VSIG10: variants seen among roughly 807,000 people sequenced by gnomAD.
VSIG10 encodes V-set and immunoglobulin domain containing 10, also known as V-set and immunoglobulin domain-containing protein 10.
A neutral mutation model predicts 58.7 loss-of-function variants in VSIG10; 48 were observed. The observed-to-expected ratio is 0.82, with a 90% CI of 0.65 to 1.04. The LOEUF (loss-of-function observed/expected upper bound fraction) is 1.04, where lower values mean the gene tolerates loss of function less well. Ranked by LOEUF, VSIG10 falls within the 50% of genes least tolerant of loss-of-function variation. The pLI is 0.00. For missense variants in VSIG10, 628 were observed against 670.0 expected, an observed-to-expected ratio of 0.94 and a Z score of 0.69; for synonymous variants, 260 against 267.1, an observed-to-expected ratio of 0.97 and a Z score of 0.26.
Position 118,064,541 on chromosome 12 carries a change from C to G in VSIG10, c.*2098G>C, listed in dbSNP as rs950318434. 4 of 151,184 alleles carry G rather than the reference C, an allele frequency of 2.6e-5. No homozygotes were observed. Among genetic ancestry groups the G allele is most frequent in the African/African-American group, 4.9e-5 (2 of 41,042 alleles). The allele number at this position is 151,184 out of a possible 1,614,324, so 9.4% of individuals were successfully genotyped here. A position where few individuals can be genotyped will look rare whatever the true frequency, so the allele number is the denominator to read the frequency against. On this transcript the variant is annotated 3_prime_UTR_variant, in exon 9 of 9. Coordinates refer to ENST00000359236, the MANE Select transcript of VSIG10 (RefSeq NM_019086.6). ...TTCTGGAATTTGGTTGCCGAAGACT[C>G]TAAAGGAGAGACTCACTCAGTAATT... is the stretch of plus-strand genomic sequence containing the variant.
chr12:118,099,763 G>A (rs2033575483), intron 1 of VSIG10, among the ~76,000 whole-genome samples: 2 of 152,174 alleles, frequency 1.3e-5, no homozygotes, highest in Non-Finnish European at 2.9e-5. Flanking sequence ...AAAATAAACT[G>A]CCACTTGCCC....
rs1347977163 is a variant in VSIG10, at chr12:118,063,665, A to G, written c.*2974T>C. On this transcript the variant is annotated 3_prime_UTR_variant, in exon 9 of 9. Coordinates refer to ENST00000359236, the MANE Select transcript of VSIG10 (RefSeq NM_019086.6). Reference sequence around the variant, plus strand: ...ATAACCTCAGAACTAATTTCTCCCAACCTCCCCCCACCACATCTTAAAATG... The same window carrying G: ...ATAACCTCAGAACTAATTTCTCCCAGCCTCCCCCCACCACATCTTAAAATG... 1.3e-5 allele frequency: 2 copies of G among 151,836 alleles called. No individual in the cohort carries two copies. The highest frequency in any genetic ancestry group is 4.8e-5 in the African/African-American group (2 of 41,294). The allele number at this position is 151,836 out of a possible 1,614,324, so 9.4% of individuals were successfully genotyped here.
chr12:118,082,070 A>C, intron 3 of VSIG10, 57 bp downstream of exon 3: 1 of 1,536,472 alleles, frequency 6.5e-7, no homozygotes, highest in South Asian at 1.2e-5. Context: ...CGTGCAGTTC[A>C]TAAGTTCACA....
At position 118,066,192 on chromosome 12, in the gene VSIG10, G is replaced by C. The variant is rs113568436; in HGVS notation, c.*447C>G. 26,382 of 153,626 alleles carry C rather than the reference G, an allele frequency of 0.17. 2,536 individuals are homozygous for C. The highest frequency in any genetic ancestry group is 0.29 in the African/African-American group (10,712 of 37,314). 9.5% of individuals were successfully genotyped at this position (153,626 alleles called of 1,614,324 possible). A position where few individuals can be genotyped will look rare whatever the true frequency, so the allele number is the denominator to read the frequency against. On this transcript the variant is annotated 3_prime_UTR_variant, in exon 9 of 9. Coordinates refer to ENST00000359236, the MANE Select transcript of VSIG10 (RefSeq NM_019086.6). ...ACCTGGGAGGCAGAAGTTGTGGTGA[G>C]CCAAGATCGTGCCATTGCACTCCAG...
intron 7 of VSIG10, among the ~76,000 whole-genome samples, chr12:118,070,186 T>C (rs1250851947): frequency 6.6e-6 from 1 of 152,076 alleles, no homozygotes; most frequent in Non-Finnish European, 1.5e-5. Flanking sequence ...TCCGTTTGGT[T>C]CCTTCGCCCC....
At chr12:118,072,996 A>G (rs2032560517) in intron 5 of VSIG10, among the ~76,000 whole-genome samples, 1 of 152,138 alleles carries the variant, frequency 6.6e-6, no homozygotes, top group East Asian at 1.9e-4. Context: ...TTCTTTTTGA[A>G]GTGGATTCTC....
chr12:118,095,919 TGTTC>T, intron 1 of VSIG10, 105 bp from the exon 2 acceptor site: 1 of 1,289,540 alleles, frequency 7.8e-7, no homozygotes, highest in Non-Finnish European at 1.0e-6. Context: ...ATCAGGTATA[TGTTC>T]TTTTTTTTTT....
Position 118,103,975 on chromosome 12 carries a change from T to G in VSIG10, c.-304A>C. 2 of 280,982 alleles carry G rather than the reference T, an allele frequency of 7.1e-6. No individual in the cohort carries two copies. Among genetic ancestry groups the G allele is most frequent in the Non-Finnish European group, 1.3e-5 (2 of 150,154 alleles). The allele number at this position is 280,982 out of a possible 1,614,324, so 17.4% of individuals were successfully genotyped here. Reference sequence around the variant, plus strand: ...CGGAAAACAACAGGAGCGGGATCCCTCCCGCCTCCCAGCCAGGCGGGAGCC... The same window carrying G: ...CGGAAAACAACAGGAGCGGGATCCCGCCCGCCTCCCAGCCAGGCGGGAGCC... On this transcript the variant is annotated 5_prime_UTR_variant, in exon 1 of 9. Coordinates refer to ENST00000359236, the MANE Select transcript of VSIG10 (RefSeq NM_019086.6).
chr12:118,091,932 T>C (rs2033312183), intron 2 of VSIG10, among the ~76,000 whole-genome samples: 1 of 152,086 alleles, frequency 6.6e-6, no homozygotes, highest in Admixed American at 6.6e-5. Context: ...TAATTTCTTG[T>C]ATTTTTTGTA....
At chr12:118,085,167 G>C (rs2033084588) in intron 2 of VSIG10, among the ~76,000 whole-genome samples, 1 of 152,220 alleles carries the variant, frequency 6.6e-6, no homozygotes, top group Non-Finnish European at 1.5e-5. Flanking sequence ...TACACTGTGA[G>C]AAGACATAGC....
chr12:118,095,186 A>G (rs750222617), intron 2 of VSIG10, among the ~76,000 whole-genome samples: 8 of 152,046 alleles, frequency 5.3e-5, no homozygotes, highest in Non-Finnish European at 7.4e-5. Flanking sequence ...TACAGGCGTA[A>G]GCCACCGCAC....
At chr12:118,089,158 A>G (rs2033222137) in intron 2 of VSIG10, among the ~76,000 whole-genome samples, 2 of 152,086 alleles carry the variant, frequency 1.3e-5, no homozygotes, top group South Asian at 4.1e-4. Flanking sequence ...CATGTTGGCC[A>G]GGCTGGTCTC....
chr12:118,102,712 G>T (rs2033652561), intron 1 of VSIG10: 1 of 152,068 alleles, frequency 6.6e-6, no homozygotes. Flanking sequence ...GAGGAGACCC[G>T]TTGGGTGGAG....
At chr12:118,072,060 T>C (rs560059842) in intron 5 of VSIG10, among the ~76,000 whole-genome samples, 10 of 152,256 alleles carry the variant, frequency 6.6e-5, no homozygotes, top group African/African-American at 9.6e-5. Flanking sequence ...TCCCAGCTAC[T>C]TGGGAGGCTG....
At chr12:118,092,598 A>G (rs2033329395) in intron 2 of VSIG10, among the ~76,000 whole-genome samples, 1 of 152,028 alleles carries the variant, frequency 6.6e-6, no homozygotes, top group African/African-American at 2.4e-5. Context: ...TTATTTACGA[A>G]CACCAACATT....
At chr12:118,086,592 T>C (rs1724489201) in intron 2 of VSIG10, among the ~76,000 whole-genome samples, 2 of 152,028 alleles carry the variant, frequency 1.3e-5, no homozygotes, top group South Asian at 2.1e-4. Flanking sequence ...ATGGGTCAAT[T>C]GATGAAATAA....
intron 2 of VSIG10, among the ~76,000 whole-genome samples, chr12:118,090,053 G>C (rs560694063): frequency 6.6e-6 from 1 of 152,172 alleles, no homozygotes; most frequent in Non-Finnish European, 1.5e-5. Context: ...AATGGCTCAC[G>C]CCTGTAATCC....
chr12:118,078,669 C>T (rs1274345817), intron 4 of VSIG10, among the ~76,000 whole-genome samples: 6 of 151,836 alleles, frequency 4.0e-5, no homozygotes, highest in Non-Finnish European at 5.9e-5. Flanking sequence ...CAGCTAGGTG[C>T]GGTGGCTCAC....
rs144496556 is a variant in VSIG10, at chr12:118,071,346, A to T, written c.1330+13T>A. On this transcript the variant is annotated intron_variant, in intron 6 of 8. Coordinates refer to ENST00000359236, the MANE Select transcript of VSIG10 (RefSeq NM_019086.6). ...GTCTGGAAGAGAAGCTAAAGGACCC[A>T]GGGAGTCCTTACCTTTCCAGCAGAA... 4 of 1,609,122 alleles carry T rather than the reference A, an allele frequency of 2.5e-6. No homozygotes were observed. The African/African-American group carries it at 5.3e-5, about 22-fold the overall frequency.
Sources: allele counts gnomAD v4.1 joint callset (sites outside exome capture counted in the v4.1 genomes callset), GRCh38; gene constraint gnomAD v4.1.1; transcripts MANE v1.5; gene names NCBI Gene and HGNC (gene_info 2026-07-23, HGNC 2026-07-21).